Variants in GNG4 observed in about 807,000 individuals in gnomAD.
The protein encoded by GNG4 is G protein subunit gamma 4.
In GNG4, 4 loss-of-function variants were observed where a neutral mutation model predicts 5.8. The ratio of observed to expected loss-of-function variants is 0.69; its 90% CI spans 0.34 to 1.57. The LOEUF (loss-of-function observed/expected upper bound fraction) is 1.57. Ranked by LOEUF, GNG4 falls within the 40% of genes most tolerant of loss-of-function variation. GNG4 has a pLI of 0.06. For synonymous variants in GNG4, 29 were observed against 32.9 expected, an observed-to-expected ratio of 0.88 and a Z score of 0.41; for missense variants, 96 against 95.1, an observed-to-expected ratio of 1.01 and a Z score of -0.04.
At chr1:235,600,941 C>T (rs192343974) in intron 1 of GNG4, among the ~76,000 whole-genome samples, 66 of 152,326 alleles carry the variant, frequency 4.3e-4, no homozygotes, top group Non-Finnish European at 2.4e-4. Context: ...CAAGATAGGG[C>T]GGGCACGCCG....
chr1:235,570,953 T>A lies in GNG4; in HGVS notation c.99+12787A>T, dbSNP rs533878658. 9.4e-4 allele frequency among the ~76,000 whole-genome samples: 116 copies of A among 123,774 alleles called. 1 individual carries two copies. The highest frequency in any genetic ancestry group is 1.5e-3 in the Non-Finnish European group (92 of 63,338). 81.2% of individuals were successfully genotyped at this position (123,774 alleles called of 152,430 possible). A position where few individuals can be genotyped will look rare whatever the true frequency, so the allele number is the denominator to read the frequency against. On this transcript the variant is annotated intron_variant, in intron 3 of 3. Transcript: ENST00000391854. ...ACACACACACACACACACATATATA[T>A]ATACATACCTTTTTTTTTTTTTTTT...
chr1:235,634,253 A>G (rs927592917), intron 1 of GNG4, among the ~76,000 whole-genome samples: 1 of 152,212 alleles, frequency 6.6e-6, no homozygotes, highest in Non-Finnish European at 1.5e-5. Flanking sequence ...AGAATTTGCC[A>G]AGACAGTCAT....
chr1:235,625,270 AT>A (rs1231529884), intron 1 of GNG4, among the ~76,000 whole-genome samples: 2 of 152,172 alleles, frequency 1.3e-5, no homozygotes, highest in African/African-American at 2.4e-5. Flanking sequence ...TTTAAAAAAA[AT>A]AAACTTTATT....
chr1:235,592,978 T>A (rs1187521077), intron 2 of GNG4, among the ~76,000 whole-genome samples: 1 of 150,268 alleles, frequency 6.7e-6, no homozygotes, highest in African/African-American at 2.5e-5. Flanking sequence ...GATGGAGTCT[T>A]GCTCTTTTAC....
intron 3 of GNG4, among the ~76,000 whole-genome samples, chr1:235,554,240 C>T (rs1423921617): frequency 1.3e-5 from 2 of 152,222 alleles, no homozygotes; most frequent in Non-Finnish European, 2.9e-5. Flanking sequence ...CTAAGGAAAG[C>T]CAAGTGCCCT....
intron 1 of GNG4, among the ~76,000 whole-genome samples, chr1:235,624,181 C>A (rs1293238334): frequency 6.6e-6 from 1 of 151,482 alleles, no homozygotes; most frequent in Non-Finnish European, 1.5e-5. Context: ...TGGCTCACTG[C>A]AACCTCTGCC....
intron 1 of GNG4, among the ~76,000 whole-genome samples, chr1:235,643,255 T>G (rs1392890834): frequency 2.6e-5 from 4 of 152,188 alleles, no homozygotes; most frequent in African/African-American, 9.6e-5. Flanking sequence ...CACTCCTCTT[T>G]CATGACCCTG....
At position 235,548,578 on chromosome 1, in the gene GNG4, C is replaced by T. The variant is rs1247984228; in HGVS notation, c.*3531G>A. On this transcript the variant is annotated 3_prime_UTR_variant, in exon 4 of 4. Transcript: ENST00000391854. The stretch of plus-strand genomic sequence containing the variant: ...CAAGCAAGGGTCCAGGTAGTCCACC[C>T]CAGGTCAATGACCACTTCCCGACTG... The T allele has an allele frequency of 3.9e-5, 6 of 152,304 alleles. No homozygotes were observed. The highest frequency in any genetic ancestry group is 1.4e-4 in the African/African-American group (6 of 41,430). 9.4% of individuals were successfully genotyped at this position (152,304 alleles called of 1,614,324 possible).
At chr1:235,637,520 G>A (rs1276115229) in intron 1 of GNG4, among the ~76,000 whole-genome samples, 1 of 152,136 alleles carries the variant, frequency 6.6e-6, no homozygotes, top group African/African-American at 2.4e-5. Context: ...GGGCGCGGTG[G>A]CGCGTGCCTG....
chr1:235,616,089 T>A (rs1688583662), intron 1 of GNG4: 1 of 412,242 alleles, frequency 2.4e-6, no homozygotes, highest in Non-Finnish European at 4.8e-6. Context: ...TTTGTCATCC[T>A]GCTTAGCGCT....
intron 3 of GNG4, among the ~76,000 whole-genome samples, chr1:235,554,887 A>C (rs1384542092): frequency 6.7e-6 from 1 of 150,234 alleles, no homozygotes; most frequent in Non-Finnish European, 1.5e-5. Flanking sequence ...TCTGACTATC[A>C]TGCCCTCTCC....
chr1:235,597,628 G>GTGTGTGT (rs772061855), intron 1 of GNG4, among the ~76,000 whole-genome samples: 7 of 72,454 alleles, frequency 9.7e-5, no homozygotes, highest in African/African-American at 4.1e-4. Flanking sequence ...GTGTGTGTGT[G>GTGTGTGT]TATTTTTTTT....
intron 1 of GNG4, among the ~76,000 whole-genome samples, chr1:235,625,522 C>T (rs1688791776): frequency 1.3e-5 from 2 of 152,172 alleles, no homozygotes; most frequent in South Asian, 2.1e-4. Context: ...ATGACAGGTG[C>T]TCACTATTAT....
chr1:235,613,976 G>C (rs1025104969), intron 1 of GNG4, among the ~76,000 whole-genome samples: 6 of 152,150 alleles, frequency 3.9e-5, no homozygotes, highest in Non-Finnish European at 7.3e-5. Context: ...ACCACGACTG[G>C]CTAATTTTTG....
intron 1 of GNG4, among the ~76,000 whole-genome samples, chr1:235,645,797 C>CAAAAAAA (rs6143682): frequency 3.8e-4 from 34 of 90,376 alleles, no homozygotes; most frequent in African/African-American, 1.3e-3. Context: ...AACTCAGTCT[C>CAAAAAAA]AAAAAAAAAA....
intron 1 of GNG4, among the ~76,000 whole-genome samples, chr1:235,616,726 ATGTG>A (rs56726138): frequency 3.3e-5 from 5 of 149,748 alleles, no homozygotes; most frequent in African/African-American, 7.4e-5. Context: ...GTGCTGAAAG[ATGTG>A]TGTGTGTGTG....
chr1:235,631,887 G>A lies in GNG4; in HGVS notation c.-123+17775C>T, dbSNP rs557100510. ...CTGGCCAGTTTTTTCTAATTCCTAT[G>A]AGTGGCAATACGTGGATGAGTTCTC... On this transcript the variant is annotated intron_variant, in intron 1 of 3. Transcript: ENST00000391854. 3.3e-3 allele frequency among the ~76,000 whole-genome samples: 506 copies of A among 152,050 alleles called. 4 individuals are homozygous for A. The highest frequency in any genetic ancestry group is 0.011 in the African/African-American group (466 of 41,492).
rs183895736 is a variant in GNG4 at position 235,607,086 on chromosome 1, G to A, written c.-122-11575C>T. Reference sequence around the variant, plus strand: ...CATGAGTAGCTGGGATTACAGGTGCGCACCACCACACCCAGCTAATTTTTT... The same window carrying A: ...CATGAGTAGCTGGGATTACAGGTGCACACCACCACACCCAGCTAATTTTTT... On this transcript the variant is annotated intron_variant, in intron 1 of 3. Coordinates refer to ENST00000391854, the MANE Select transcript of GNG4 (RefSeq NM_001098722.2). 5.3e-3 allele frequency among the ~76,000 whole-genome samples: 804 copies of A among 151,532 alleles called. 14 individuals are homozygous for A. Among genetic ancestry groups the A allele is most frequent in the African/African-American group, 0.019 (771 of 41,324 alleles).
intron 3 of GNG4, chr1:235,566,978 G>T (rs1216067247): frequency 6.6e-6 from 1 of 151,982 alleles, no homozygotes; most frequent in Non-Finnish European, 1.5e-5. Context: ...GTCTTGCTCT[G>T]TTGCCCTGGC....
Sources: gnomAD v4.1 joint callset for allele counts (sites outside exome capture counted in the v4.1 genomes callset) on GRCh38, gnomAD v4.1.1 for gene constraint, MANE v1.5 for transcripts, NCBI Gene and HGNC (gene_info 2026-07-23, HGNC 2026-07-21) for gene names.